Variants in ADH7 observed in about 807,000 individuals in gnomAD.
ADH7 encodes alcohol dehydrogenase 7 (class IV), mu or sigma polypeptide, also known as all-trans-retinol dehydrogenase [NAD(+)] ADH7.
Under a neutral mutation model 34.4 loss-of-function variants are expected in ADH7, and 41 were observed. The ratio of observed to expected loss-of-function variants is 1.19; its 90% confidence interval spans 0.93 to 1.55. The LOEUF (loss-of-function observed/expected upper bound fraction) is 1.55. ADH7 is among the 40% of genes most tolerant of loss of function. The pLI is 0.00. For synonymous variants in ADH7, 180 were observed against 160.9 expected (o/e 1.12, Z -0.90); for missense variants, 540 against 461.2 (o/e 1.17, Z -1.56).
intron 5 of ADH7, among the ~76,000 whole-genome samples, chr4:99,426,933 C>T (rs1048481398): frequency 2.1e-4 from 32 of 152,154 alleles, no homozygotes; most frequent in African/African-American, 7.7e-4. Context: ...ATGTAATCTG[C>T]ATATAAACAG....
rs199972891 is a variant in ADH7, at chr4:99,420,534, A to G, written c.824T>C (p.Met275Thr). 4.3e-6 allele frequency: 7 copies of G among 1,611,792 alleles called. No individual in the cohort carries two copies. The Admixed American group carries it at 5.0e-5, about 12-fold the overall frequency. The change falls in exon 6 of 9, where the codon ATG becomes ACG. Residue 275 changes from methionine to threonine, a missense_variant and splice_region_variant. Met to Thr is a moderately conservative substitution (Grantham distance 81). Coordinates refer to ENST00000437033, the MANE Select transcript of ADH7 (RefSeq NM_000673.7). ...TFEVIGHLETMIDALASCHMN... is the reference protein window; with the variant it reads ...TFEVIGHLETTIDALASCHMN... Reference sequence around the variant, plus strand: ...GGCTTCTCAAATTTTGGGTCTTACCATGGTTTCAAGATGCCCAATAACTTC... The same window carrying G: ...GGCTTCTCAAATTTTGGGTCTTACCGTGGTTTCAAGATGCCCAATAACTTC...
intron 7 of ADH7, among the ~76,000 whole-genome samples, chr4:99,416,556 T>G (rs904586225): frequency 9.9e-5 from 15 of 152,270 alleles, no homozygotes; most frequent in African/African-American, 2.6e-4. Context: ...AGTTACTTCT[T>G]CCACAGATCT....
intron 5 of ADH7, among the ~76,000 whole-genome samples, chr4:99,426,546 T>G (rs1452183411): frequency 6.6e-6 from 1 of 151,806 alleles, no homozygotes; most frequent in Admixed American, 6.6e-5. Context: ...AATAACAGGA[T>G]CTGAAATTGT....
chr4:99,426,636 G>A (rs1484459277), intron 5 of ADH7, among the ~76,000 whole-genome samples: 1 of 152,184 alleles, frequency 6.6e-6, no homozygotes, highest in African/African-American at 2.4e-5. Context: ...GAGGTACAAG[G>A]AGGAACTGGT....
rs1475397529 is a variant in ADH7, at chr4:99,413,022, T to C, written c.*126A>G. The C allele has an allele frequency of 1.0e-6, 1 of 974,100 alleles. No individual in the cohort carries two copies. The highest frequency in any genetic ancestry group is 1.6e-5 in the African/African-American group (1 of 60,680). The allele number at this position is 974,100 out of a possible 1,614,324, so 60.3% of individuals were successfully genotyped here. A position where few individuals can be genotyped will look rare whatever the true frequency, so the allele number is the denominator to read the frequency against. On this transcript the variant is annotated 3_prime_UTR_variant, in exon 9 of 9. Coordinates refer to ENST00000437033, the MANE Select transcript of ADH7 (RefSeq NM_000673.7). Reference sequence around the variant, plus strand: ...TTAATAATTCTTTATAAGGGTTCTATGTCTTCAACAAATCTTCTACTTATG... The same window carrying C: ...TTAATAATTCTTTATAAGGGTTCTACGTCTTCAACAAATCTTCTACTTATG...
At chr4:99,423,466 A>G (rs1228313027) in intron 5 of ADH7, among the ~76,000 whole-genome samples, 1 of 151,718 alleles carries the variant, frequency 6.6e-6, no homozygotes. Flanking sequence ...GACTTCCACA[A>G]TGGTTGAACT....
At chr4:99,418,871 T>C (rs1721582078) in intron 7 of ADH7, 115 bp downstream of exon 7, 3 of 1,239,088 alleles carry the variant, frequency 2.4e-6, no homozygotes, top group Non-Finnish European at 3.4e-6. Context: ...AGTTCCATTT[T>C]AGATCACTTC....
At chr4:99,420,097 G>T (rs1231721602) in intron 6 of ADH7, among the ~76,000 whole-genome samples, 2 of 152,178 alleles carry the variant, frequency 1.3e-5, no homozygotes, top group Non-Finnish European at 1.5e-5. Context: ...GATGTAAAGA[G>T]TGAGAAGGTC....
rs542673537 is a variant in ADH7 at position 99,424,030 on chromosome 4, T to C, written c.565-3237A>G. Reference sequence around the variant, plus strand: ...GTTTTAGGTCTAATGTTTAAGTCTTTAATCCATCTTGAATTAATTTTTGTA... The same window carrying C: ...GTTTTAGGTCTAATGTTTAAGTCTTCAATCCATCTTGAATTAATTTTTGTA... On this transcript the variant is annotated intron_variant, in intron 5 of 8. Coordinates refer to ENST00000437033, the MANE Select transcript of ADH7 (RefSeq NM_000673.7). Among the ~76,000 whole-genome samples the C allele has an allele frequency of 5.9e-3, 904 of 152,164 alleles. 7 individuals are homozygous for C. The highest frequency in any genetic ancestry group is 0.02 in the African/African-American group (815 of 41,500).
At chr4:99,423,628 G>C (rs1230244724) in intron 5 of ADH7, among the ~76,000 whole-genome samples, 4 of 152,180 alleles carry the variant, frequency 2.6e-5, no homozygotes, top group African/African-American at 9.7e-5. Context: ...CTGATGGCCA[G>C]TGATGGTGAG....
chr4:99,422,624 T>A (rs1701218291), intron 5 of ADH7, among the ~76,000 whole-genome samples: 1 of 152,026 alleles, frequency 6.6e-6, no homozygotes, highest in Admixed American at 6.6e-5. Flanking sequence ...CATTTTTTAA[T>A]AGAAGAAATA....
In ADH7 at chr4:99,428,550, T is replaced by G; in HGVS notation, c.201A>C (p.Gly67=). The part of the protein sequence containing the change: ...TMVSKFPVIV[G]HEATGIVESI... Reference sequence around the variant, plus strand: ...TCTCTACAATCCCAGTTGCCTCATGTCCCACAATCACTGGAAACTTGGACA... The same window carrying G: ...TCTCTACAATCCCAGTTGCCTCATGGCCCACAATCACTGGAAACTTGGACA... Residue 67 remains glycine (G), a synonymous_variant, in exon 3 of 9, where the codon GGA becomes GGC. Coordinates refer to ENST00000437033, the MANE Select transcript of ADH7 (RefSeq NM_000673.7). 1.2e-6 allele frequency: 2 copies of G among 1,613,970 alleles called. No homozygotes were observed. Among genetic ancestry groups the G allele is most frequent in the Non-Finnish European group, 1.7e-6 (2 of 1,179,902 alleles).
Position 99,428,549 on chromosome 4 carries a change from G to T in ADH7, c.202C>A (p.His68Asn). Residue 68 changes from histidine to asparagine, a missense_variant, in exon 3 of 9, where the codon CAT becomes AAT. Coordinates refer to ENST00000437033, the MANE Select transcript of ADH7 (RefSeq NM_000673.7). ...CTCTCTACAATCCCAGTTGCCTCAT[G>T]TCCCACAATCACTGGAAACTTGGAC... ...MVSKFPVIVG[H>N]EATGIVESIG... The T allele has an allele frequency of 6.2e-7, 1 of 1,613,892 alleles. No homozygotes were observed. Among genetic ancestry groups the T allele is most frequent in the Non-Finnish European group, 8.5e-7 (1 of 1,179,870 alleles).
chr4:99,420,819 T>C, intron 5 of ADH7, 26 bp from the exon 6 acceptor site: 2 of 1,608,754 alleles, frequency 1.2e-6, no homozygotes, highest in South Asian at 1.1e-5. Context: ...TTCTTGAACA[T>C]GTTAGGTGTT....
At chr4:99,431,256 G>A (rs887284463) in intron 1 of ADH7, among the ~76,000 whole-genome samples, 11 of 152,138 alleles carry the variant, frequency 7.2e-5, no homozygotes, top group Non-Finnish European at 1.6e-4. Context: ...ATGGTGCTGA[G>A]GTAACTGGCT....
rs566601591 is a variant in ADH7, at chr4:99,425,884, T to G, written c.564+1889A>C. Among the ~76,000 whole-genome samples, 49 of 150,484 alleles carry G rather than the reference T, an allele frequency of 3.3e-4. No homozygotes were observed. The East Asian group carries it at 6.6e-3, about 20-fold the overall frequency. ...CTCTCAGACCACAGTGCAATCAAAC[T>G]AGAACTCAGGATTAAGAAACTCACT... On this transcript the variant is annotated intron_variant, in intron 5 of 8. Coordinates refer to ENST00000437033, the MANE Select transcript of ADH7 (RefSeq NM_000673.7).
At chr4:99,425,736 G>C (rs559598882) in intron 5 of ADH7, among the ~76,000 whole-genome samples, 272 of 149,240 alleles carry the variant, frequency 1.8e-3, no homozygotes, top group African/African-American at 2.9e-3. Flanking sequence ...GAACTCTCCA[G>C]CCCAAATCAA....
Position 99,420,527 on chromosome 4 carries a change from T to A in ADH7, c.825+6A>T, listed in dbSNP as rs201718372. 2.2e-5 allele frequency: 35 copies of A among 1,609,792 alleles called. No individual in the cohort carries two copies. Among genetic ancestry groups the A allele is most frequent in the Non-Finnish European group, 2.9e-5 (34 of 1,176,936 alleles). The stretch of plus-strand genomic sequence containing the variant: ...ATTTTGTGGCTTCTCAAATTTTGGG[T>A]CTTACCATGGTTTCAAGATGCCCAA... On this transcript the variant is annotated splice_donor_region_variant and intron_variant, in intron 6 of 8. Transcript: ENST00000437033.
chr4:99,428,202 T>C (rs1721858749), intron 3 of ADH7, 28 bp from the exon 4 acceptor site: 2 of 1,569,380 alleles, frequency 1.3e-6, no homozygotes, highest in Non-Finnish European at 1.8e-6. Flanking sequence ...TGATATAAGA[T>C]GCTGTTCATT....
Sources: gnomAD v4.1 joint callset for allele counts (sites outside exome capture counted in the v4.1 genomes callset) on GRCh38, gnomAD v4.1.1 for gene constraint, MANE v1.5 for transcripts, NCBI Gene and HGNC (gene_info 2026-07-23, HGNC 2026-07-21) for gene names.